Variants in CAMK2B observed in about 807,000 individuals in gnomAD.
The protein encoded by CAMK2B is calcium/calmodulin-dependent protein kinase type II subunit beta.
In CAMK2B, 27 loss-of-function variants were observed where a neutral mutation model predicts 93.7. The ratio of observed to expected loss-of-function variants is 0.29; its 90% CI spans 0.21 to 0.40. The LOEUF is 0.40. Ranked by LOEUF, CAMK2B falls within the 10% of genes least tolerant of loss-of-function variation. The pLI is 1.00. For missense variants in CAMK2B, 568 were observed against 895.8 expected (o/e 0.63, Z 4.67); for synonymous variants, 374 against 358.8 (o/e 1.04, Z -0.48).
chr7:44,297,833 T>C (rs1336760076), intron 1 of CAMK2B, among the ~76,000 whole-genome samples: 1 of 152,174 alleles, frequency 6.6e-6, no homozygotes, highest in Non-Finnish European at 1.5e-5. Context: ...CAAAATTTAA[T>C]ATAAAACTGG....
At chr7:44,233,007 G>T in intron 15 of CAMK2B, 141 bp from the exon 16 acceptor site, 2 of 743,010 alleles carry the variant, frequency 2.7e-6, no homozygotes, top group Non-Finnish European at 4.7e-6. Context: ...AGAGCAGAGT[G>T]GGGGACAGGG....
intron 1 of CAMK2B, among the ~76,000 whole-genome samples, chr7:44,291,757 G>A (rs778909446): frequency 5.1e-4 from 77 of 152,168 alleles, no homozygotes; most frequent in Non-Finnish European, 9.8e-4. Flanking sequence ...TTCCCTTCTC[G>A]AAAATGGCCT....
At chr7:44,229,005 G>C (rs2096550819) in intron 18 of CAMK2B, 81 bp from the exon 19 acceptor site, 1 of 1,374,680 alleles carries the variant, frequency 7.3e-7, no homozygotes. Context: ...CCAGTGGGAG[G>C]GGTCCCGTGT....
chr7:44,252,680 C>G (rs2096791499), intron 5 of CAMK2B, among the ~76,000 whole-genome samples: 1 of 152,154 alleles, frequency 6.6e-6, no homozygotes, highest in South Asian at 2.1e-4. Flanking sequence ...GGCACTCCAC[C>G]CATCCCAGGA....
intron 1 of CAMK2B, among the ~76,000 whole-genome samples, chr7:44,324,872 G>A (rs1797071311): frequency 6.6e-6 from 1 of 152,096 alleles, no homozygotes; most frequent in Non-Finnish European, 1.5e-5. Flanking sequence ...ACGCGCAGGA[G>A]CAGGCGCAAG....
chr7:44,258,169 A>G (rs937605400), intron 4 of CAMK2B, among the ~76,000 whole-genome samples: 6 of 152,184 alleles, frequency 3.9e-5, no homozygotes, highest in Non-Finnish European at 5.9e-5. Flanking sequence ...GGCCCCAGAC[A>G]CCTTCTCACT....
At chr7:44,241,433 C>A (rs888984690) in intron 11 of CAMK2B, among the ~76,000 whole-genome samples, 1 of 152,226 alleles carries the variant, frequency 6.6e-6, no homozygotes, top group African/African-American at 2.4e-5. Context: ...GAGCCCACAG[C>A]GAGCGCTTCA....
intron 8 of CAMK2B, among the ~76,000 whole-genome samples, chr7:44,242,922 A>T (rs978078587): frequency 1.9e-4 from 29 of 152,186 alleles, no homozygotes; most frequent in Middle Eastern, 6.8e-3. Flanking sequence ...GGAGACCCCT[A>T]CCCAAGGAGG....
At chr7:44,267,438 C>A (rs2096930269) in intron 2 of CAMK2B, among the ~76,000 whole-genome samples, 1 of 152,090 alleles carries the variant, frequency 6.6e-6, no homozygotes, top group Non-Finnish European at 1.5e-5. Context: ...GTTCTCACAC[C>A]CGCTCTGATG....
At chr7:44,307,349 G>C (rs1489988092) in intron 1 of CAMK2B, among the ~76,000 whole-genome samples, 6 of 125,332 alleles carry the variant, frequency 4.8e-5, no homozygotes, top group Non-Finnish European at 6.7e-5. Flanking sequence ...TGTCAGCAGG[G>C]GGAGGAAGTT....
chr7:44,286,456 G>A lies in CAMK2B; in HGVS notation c.66-2231C>T, dbSNP rs1435711637. 6.6e-6 allele frequency among the ~76,000 whole-genome samples: 1 copy of A among 152,122 alleles called. No homozygotes were observed. Among genetic ancestry groups the A allele is most frequent in the Non-Finnish European group, 1.5e-5 (1 of 68,016 alleles). On this transcript the variant is annotated intron_variant, in intron 1 of 23. Transcript: ENST00000395749. This position sits in a 1 kb window ranked among gnomAD's most constrained non-coding sequence, Gnocchi z 4.0. Reference sequence around the variant, plus strand: ...GATGCCCGTATGGCACCGCTGTGTCGAGCCCGTCCCCGGAGCAGGGAGGAG... The same window carrying A: ...GATGCCCGTATGGCACCGCTGTGTCAAGCCCGTCCCCGGAGCAGGGAGGAG...
chr7:44,233,737 G>A (rs751627487), intron 15 of CAMK2B, among the ~76,000 whole-genome samples: 2 of 152,164 alleles, frequency 1.3e-5, no homozygotes, highest in African/African-American at 2.4e-5. Flanking sequence ...CAGTTGGAGC[G>A]GAGCATGGTG....
chr7:44,283,506 C>T (rs1784282135), intron 2 of CAMK2B, among the ~76,000 whole-genome samples: 1 of 152,268 alleles, frequency 6.6e-6, no homozygotes, highest in African/African-American at 2.4e-5. Flanking sequence ...TCCTCGCACA[C>T]ACCCTGCACG....
intron 6 of CAMK2B, 36 bp from the exon 7 acceptor site, chr7:44,243,563 T>G: frequency 6.4e-7 from 1 of 1,572,090 alleles, no homozygotes; most frequent in Non-Finnish European, 8.7e-7. Flanking sequence ...GTGCATGTTG[T>G]TTAAACCCAG....
intron 20 of CAMK2B, among the ~76,000 whole-genome samples, chr7:44,221,286 A>G (rs1374537192): frequency 6.6e-6 from 1 of 152,130 alleles, no homozygotes; most frequent in Admixed American, 6.5e-5. Flanking sequence ...CCCTGGGCCC[A>G]CCAGGCCTGG....
At chr7:44,298,062 T>G (rs977309036) in intron 1 of CAMK2B, among the ~76,000 whole-genome samples, 1 of 152,156 alleles carries the variant, frequency 6.6e-6, no homozygotes, top group African/African-American at 2.4e-5. Flanking sequence ...AGGTGGAGGT[T>G]GCAGTGAGCT....
intron 1 of CAMK2B, among the ~76,000 whole-genome samples, chr7:44,322,012 G>A (rs13307928): frequency 0.2 from 30,898 of 152,256 alleles, 3,913 homozygotes; most frequent in South Asian, 0.29. Context: ...TCACACCTGC[G>A]CCCCAGACGC....
In CAMK2B at chr7:44,225,740, C is replaced by T; in HGVS notation, c.1597+776G>A. ...CAGAGGGGACGGTGGCAAGCAGACCCCACCTGTCCCTCAAGTACTTACCTA... is the reference window on the plus strand; with the variant it reads ...CAGAGGGGACGGTGGCAAGCAGACCTCACCTGTCCCTCAAGTACTTACCTA... On this transcript the variant is annotated intron_variant, in intron 20 of 23. Transcript: ENST00000395749. The surrounding 1 kb of genome is among the most constrained non-coding windows in gnomAD (Gnocchi z 5.0). The T allele has an allele frequency of 7.8e-7, 1 of 1,289,418 alleles. No individual in the cohort carries two copies. The highest frequency in any genetic ancestry group is 1.0e-6 in the Non-Finnish European group (1 of 988,734). The allele number at this position is 1,289,418 out of a possible 1,614,324, so 79.9% of individuals were successfully genotyped here.
At chr7:44,259,829 C>T (rs2096864844) in intron 3 of CAMK2B, among the ~76,000 whole-genome samples, 1 of 152,168 alleles carries the variant, frequency 6.6e-6, no homozygotes, top group Non-Finnish European at 1.5e-5. Context: ...ATTGCTAGAA[C>T]AACGAGGACG....
Sources: gnomAD v4.1 joint callset for allele counts (sites outside exome capture counted in the v4.1 genomes callset) on GRCh38, gnomAD v4.1.1 for gene constraint, Gnocchi (gnomAD v3.1) non-coding constraint, MANE v1.5 for transcripts, NCBI Gene and HGNC (gene_info 2026-07-23, HGNC 2026-07-21) for gene names.